Variants in SOX5 observed in about 807,000 individuals in gnomAD.
SOX5 encodes the protein transcription factor SOX-5.
SOX5 carries 9 observed loss-of-function variants against 92.0 expected under a neutral mutation model. The observed-to-expected ratio is 0.10, with a 90% CI of 0.06 to 0.17. The LOEUF (loss-of-function observed/expected upper bound fraction) is 0.17, where lower values mean the gene tolerates loss of function less well. Among genes scored for constraint, SOX5 ranks in the 10% least tolerant of loss-of-function variants. SOX5 has a pLI of 1.00. For missense variants in SOX5, 642 were observed against 944.5 expected (o/e 0.68, Z 4.20); for synonymous variants, 344 against 336.3 (o/e 1.02, Z -0.25).
chr12:24,512,825 A>G (rs554409746), intron 1 of SOX5, among the ~76,000 whole-genome samples: 2 of 152,352 alleles, frequency 1.3e-5, no homozygotes, highest in South Asian at 4.1e-4. Flanking sequence ...CCTGTCAACC[A>G]GGGACTATAA....
chr12:24,268,458 A>G (rs1360722337), intron 3 of SOX5, among the ~76,000 whole-genome samples: 1 of 152,228 alleles, frequency 6.6e-6, no homozygotes, highest in Non-Finnish European at 1.5e-5. Context: ...ATTTACGTGT[A>G]CAATAAGAAA....
chr12:24,559,451 CCTGTAAGTTT>C (rs1462692382), intron 1 of SOX5, among the ~76,000 whole-genome samples: 1 of 152,092 alleles, frequency 6.6e-6, no homozygotes, highest in Non-Finnish European at 1.5e-5. Context: ...TAAATTTTGT[CCTGTAAGTTT>C]TACTTTTTTA....
chr12:23,649,785 A>G (rs912143143), intron 7 of SOX5, among the ~76,000 whole-genome samples: 2 of 152,144 alleles, frequency 1.3e-5, no homozygotes, highest in Non-Finnish European at 2.9e-5. Context: ...CTCCAGTCAT[A>G]CTATGAAGAA....
intron 6 of SOX5, among the ~76,000 whole-genome samples, chr12:23,710,554 C>G (rs911755312): frequency 6.6e-6 from 1 of 152,054 alleles, no homozygotes; most frequent in African/African-American, 2.4e-5. Context: ...TCCATGTCCC[C>G]ACAAAGGACA....
chr12:24,029,513 G>A lies in SOX5; in HGVS notation c.-1-133489C>T, dbSNP rs11047217. Among the ~76,000 whole-genome samples the A allele has an allele frequency of 6.1e-3, 931 of 151,796 alleles. 10 individuals carry two copies. Among genetic ancestry groups the A allele is most frequent in the African/African-American group, 0.02 (849 of 41,454 alleles). ...TGGTTTCAAACATCTGGACTCAAGC[G>A]ATCCCCCCACTTCAGCCTCCCAAAG... On this transcript the variant is annotated intron_variant, in intron 4 of 4. Transcript: ENST00000446891.
chr12:23,548,371 A>T (rs1943546528), intron 11 of SOX5, among the ~76,000 whole-genome samples: 1 of 152,086 alleles, frequency 6.6e-6, no homozygotes, highest in African/African-American at 2.4e-5. Context: ...ACCTATAATT[A>T]TCCACCACTA....
In SOX5 at chr12:24,098,050, T is replaced by C. The variant is rs61910059; in HGVS notation, c.-2+115293A>G. 3.0e-3 allele frequency among the ~76,000 whole-genome samples: 461 copies of C among 152,278 alleles called. 1 individual carries two copies. Among genetic ancestry groups the C allele is most frequent in the South Asian group, 6.0e-3 (29 of 4,828 alleles). ...ATTTCATTATTTTCCTTTTACTTTA[T>C]GAATTTTAGTCACTAGAGTGGTGTG... On this transcript the variant is annotated intron_variant, in intron 4 of 4. Coordinates refer to the SOX5 transcript ENST00000446891.
chr12:23,719,788 C>CAAAAAAAAA (rs33914230), intron 6 of SOX5, among the ~76,000 whole-genome samples: 8 of 64,156 alleles, frequency 1.2e-4, no homozygotes, highest in Non-Finnish European at 1.9e-4. Flanking sequence ...AGCTATTTAC[C>CAAAAAAAAA]AAAAAAAAAA....
At chr12:23,979,659 G>GTTTCTCAT (rs1949293914) in intron 4 of SOX5, among the ~76,000 whole-genome samples, 1 of 104,752 alleles carries the variant, frequency 9.5e-6, no homozygotes, top group Admixed American at 1.1e-4. Context: ...CTCACAAATC[G>GTTTCTCAT]TTTCTCATTT....
intron 8 of SOX5, among the ~76,000 whole-genome samples, chr12:23,628,604 T>C (rs556120400): frequency 6.6e-6 from 1 of 152,154 alleles, no homozygotes; most frequent in South Asian, 2.1e-4. Flanking sequence ...TTTCTCCTTG[T>C]TCACTTTCTT....
intron 1 of SOX5, among the ~76,000 whole-genome samples, chr12:24,417,094 G>A (rs1965146228): frequency 6.6e-6 from 1 of 152,108 alleles, no homozygotes; most frequent in Admixed American, 6.5e-5. Flanking sequence ...TTTCTCATTG[G>A]GGTTATTGAG....
chr12:24,360,984 A>T (rs983987780), intron 2 of SOX5, among the ~76,000 whole-genome samples: 2 of 152,178 alleles, frequency 1.3e-5, no homozygotes, highest in Non-Finnish European at 2.9e-5. Flanking sequence ...GGATGACAAA[A>T]TTGAAAGACG....
chr12:23,772,571 A>G (rs970137827), intron 3 of SOX5, among the ~76,000 whole-genome samples: 6 of 152,222 alleles, frequency 3.9e-5, no homozygotes, highest in Non-Finnish European at 8.8e-5. Context: ...TTGAGAGCTA[A>G]ATGATAATTA....
At chr12:24,352,646 G>A (rs1185821912) in intron 2 of SOX5, among the ~76,000 whole-genome samples, 4 of 152,126 alleles carry the variant, frequency 2.6e-5, no homozygotes, top group Non-Finnish European at 5.9e-5. Flanking sequence ...ACTTGTCTGG[G>A]CCTTGATATT....
At chr12:23,905,513 C>T (rs1370222546) in intron 1 of SOX5, among the ~76,000 whole-genome samples, 1 of 152,118 alleles carries the variant, frequency 6.6e-6, no homozygotes, top group African/African-American at 2.4e-5. Flanking sequence ...CTTTCTGTTT[C>T]ATTACATTAT....
intron 4 of SOX5, among the ~76,000 whole-genome samples, chr12:23,747,092 A>C (rs1192148347): frequency 6.6e-6 from 1 of 152,108 alleles, no homozygotes; most frequent in Non-Finnish European, 1.5e-5. Context: ...CTTTATCAGC[A>C]GCGTGAAAAC....
chr12:24,151,044 T>C (rs1951601524), intron 4 of SOX5, among the ~76,000 whole-genome samples: 1 of 152,002 alleles, frequency 6.6e-6, no homozygotes, highest in African/African-American at 2.4e-5. Context: ...AAATGGTCAG[T>C]GGAATAACAA....
chr12:24,110,900 CAAAAAAAAAAAAAAAAA>C (rs67100585), intron 4 of SOX5, among the ~76,000 whole-genome samples: 3 of 27,588 alleles, frequency 1.1e-4, no homozygotes, highest in Admixed American at 5.5e-4. Context: ...GACTCCACTT[CAAAAAAAAAAAAAAAAA>C]AAAAAAAAAA....
At chr12:23,741,323 G>C (rs761049400) in intron 4 of SOX5, among the ~76,000 whole-genome samples, 24 of 152,074 alleles carry the variant, frequency 1.6e-4, no homozygotes, top group Non-Finnish European at 3.1e-4. Context: ...TTACACTTAT[G>C]ACCAGTAATA....
Sources: gnomAD v4.1 joint callset for allele counts (sites outside exome capture counted in the v4.1 genomes callset) on GRCh38, gnomAD v4.1.1 for gene constraint, MANE v1.5 for transcripts, NCBI Gene and HGNC (gene_info 2026-07-23, HGNC 2026-07-21) for gene names.